Variants in MCF2 observed in about 807,000 individuals in gnomAD.
MCF2 encodes the protein proto-oncogene DBL.
A neutral mutation model predicts 82.5 loss-of-function variants in MCF2; 44 were observed. The ratio of observed to expected loss-of-function variants is 0.53; its 90% CI spans 0.42 to 0.69. The LOEUF is 0.69. Ranked by LOEUF, MCF2 falls within the 30% of genes least tolerant of loss-of-function variation. MCF2 has a pLI of 0.00. For synonymous variants in MCF2, 217 were observed against 224.9 expected, an observed-to-expected ratio of 0.96 and a Z score of 0.32; for missense variants, 623 against 663.1, an observed-to-expected ratio of 0.94 and a Z score of 0.66.
At chrX:139,676,999 A>T (rs776785158) in intron 1 of MCF2, among the ~76,000 whole-genome samples, 83 of 111,640 alleles carry the variant, frequency 7.4e-4, no homozygotes, top group Non-Finnish European at 1.3e-3. Context: ...CAATAAACAG[A>T]AACATCTGAA....
At chrX:139,618,651 CT>C (rs1932109542) in intron 7 of MCF2, among the ~76,000 whole-genome samples, 1 of 111,484 alleles carries the variant, frequency 9.0e-6, no homozygotes, top group Non-Finnish European at 1.9e-5. Context: ...GTTATCATAA[CT>C]GTTGCTTCTT....
chrX:139,680,043 GTGTGCAGACATGAAAAT>G (rs1245446130), intron 1 of MCF2, among the ~76,000 whole-genome samples: 1 of 112,014 alleles, frequency 8.9e-6, no homozygotes, highest in Non-Finnish European at 1.9e-5. Context: ...CATTCATATA[GTGTGCAGACATGAAAAT>G]ATTAAGTGTT....
At chrX:139,643,066 TG>T (rs1474710029), upstream of MCF2, among the ~76,000 whole-genome samples, 1 of 112,060 alleles carries the variant, frequency 8.9e-6, no homozygotes, top group African/African-American at 3.2e-5. Context: ...TTAAGCCTTG[TG>T]AAAGGCTATA....
At chrX:139,648,386 A>G (rs1243560890) in intron 2 of MCF2, among the ~76,000 whole-genome samples, 2 of 107,199 alleles carry the variant, frequency 1.9e-5, no homozygotes, top group Admixed American at 1.0e-4. Flanking sequence ...CGCCCCCCCC[A>G]AAAAGAAAGA....
rs137865527 is a variant in MCF2, at chrX:139,613,564, G to A, written c.1363+1317C>T. On this transcript the variant is annotated intron_variant, in intron 10 of 24. Coordinates refer to ENST00000370576, the Ensembl canonical transcript of MCF2. ...TTACAATAACCTGTTGGAGTCAATA[G>A]GTATTATCGTCCTTATTGTCCAGGT... Among the ~76,000 whole-genome samples the A allele has an allele frequency of 4.7e-3, 521 of 110,885 alleles. 3 individuals carry two copies. Among genetic ancestry groups the A allele is most frequent in the African/African-American group, 0.016 (502 of 30,585 alleles).
Position 139,626,078 on chromosome X carries a change from T to C in MCF2, c.687+115A>G, listed in dbSNP as rs934000522. 49 of 374,854 alleles carry C rather than the reference T, an allele frequency of 1.3e-4. No homozygotes were observed. The Admixed American group carries it at 2.4e-3, about 18-fold the overall frequency. The allele number at this position is 374,854 out of a possible 1,213,427, so 30.9% of individuals were successfully genotyped here. A position where few individuals can be genotyped will look rare whatever the true frequency, so the allele number is the denominator to read the frequency against. On this transcript the variant is annotated intron_variant, in intron 6 of 24. Transcript: ENST00000370576. The stretch of plus-strand genomic sequence containing the variant: ...CCAAGGTTCATTTACATTTGCCTCC[T>C]TTTTTTTCTTTGTAGGTATAAATGG...
At chrX:139,640,041 G>A (rs5907607) in intron 1 of MCF2, among the ~76,000 whole-genome samples, 43,618 of 109,787 alleles carry the variant, frequency 0.4, 8,406 homozygotes, top group Non-Finnish European at 0.59. Context: ...GGTAAGCAGC[G>A]GTAGTACGGC....
At chrX:139,607,383 T>C (rs1265214303) in intron 12 of MCF2, 3 of 135,927 alleles carry the variant, frequency 2.2e-5, no homozygotes, top group African/African-American at 3.2e-5. Context: ...TCCATAAATA[T>C]GTACAATGAT....
upstream of MCF2, among the ~76,000 whole-genome samples, chrX:139,646,539 T>C (rs1462404789): frequency 2.7e-5 from 3 of 111,659 alleles, no homozygotes; most frequent in Non-Finnish European, 5.7e-5. Context: ...TCAACCTATG[T>C]TCTTTTTGAT....
chrX:139,629,973 C>T (rs1932869935), intron 3 of MCF2, 129 bp from the exon 7 acceptor site: 1 of 427,400 alleles, frequency 2.3e-6, no homozygotes, highest in South Asian at 6.5e-5. Context: ...CTCTCCTCTG[C>T]TAGAGAAATA....
chrX:139,651,655 G>T, intron 2 of MCF2, 65 bp downstream of exon 2: 1 of 644,609 alleles, frequency 1.6e-6, no homozygotes, highest in Non-Finnish European at 2.4e-6. Context: ...TATATAATAG[G>T]TACCAAACTA....
At chrX:139,619,477 T>C in intron 7 of MCF2, 110 bp downstream of exon 10, 4 of 562,016 alleles carry the variant, frequency 7.1e-6, no homozygotes, top group South Asian at 1.6e-4. Context: ...CAGTAACTTA[T>C]GGAAAAATAA....
intron 1 of MCF2, among the ~76,000 whole-genome samples, chrX:139,696,762 A>G (rs1419280356): frequency 8.9e-6 from 1 of 111,733 alleles, no homozygotes; most frequent in Admixed American, 9.5e-5. Flanking sequence ...AAATGGAGAT[A>G]GGCAATAAAA....
intron 6 of MCF2, among the ~76,000 whole-genome samples, chrX:139,625,970 A>G (rs777895642): frequency 8.9e-6 from 1 of 111,886 alleles, no homozygotes; most frequent in African/African-American, 3.2e-5. Flanking sequence ...ATATATTGGC[A>G]GTTTGATACT....
At chrX:139,606,362 A>AT (rs1451033907) in intron 12 of MCF2, among the ~76,000 whole-genome samples, 3 of 110,091 alleles carry the variant, frequency 2.7e-5, no homozygotes, top group Admixed American at 2.0e-4. Flanking sequence ...CGTAATGTAT[A>AT]TAAATATATT....
At chrX:139,633,450 A>T (rs1172073266) in intron 1 of MCF2, among the ~76,000 whole-genome samples, 1 of 111,631 alleles carries the variant, frequency 9.0e-6, no homozygotes, top group Middle Eastern at 4.2e-3. Flanking sequence ...TTTTACAAAT[A>T]AAGAAAGTGA....
At chrX:139,670,408 A>ACCCATT (rs1299913942) in intron 1 of MCF2, among the ~76,000 whole-genome samples, 2 of 111,028 alleles carry the variant, frequency 1.8e-5, no homozygotes, top group African/African-American at 3.3e-5. Context: ...GGTTTGCTGC[A>ACCCATT]CCCATTAACT....
chrX:139,673,488 T>A (rs111605252), intron 1 of MCF2, among the ~76,000 whole-genome samples: 10,407 of 111,861 alleles, frequency 0.093, 1,211 homozygotes, highest in African/African-American at 0.32. Context: ...CTGCTTTGAA[T>A]GTGTCCCAGA....
At chrX:139,590,786 A>G (rs1929450366) in intron 19 of MCF2, among the ~76,000 whole-genome samples, 1 of 110,439 alleles carries the variant, frequency 9.1e-6, no homozygotes, top group South Asian at 3.9e-4. Context: ...AGCCCCCCAA[A>G]TGGCCCTTAT....
Sources: gnomAD v4.1 joint callset for allele counts (sites outside exome capture counted in the v4.1 genomes callset) on GRCh38, gnomAD v4.1.1 for gene constraint, MANE v1.5 for transcripts, NCBI Gene and HGNC (gene_info 2026-07-23, HGNC 2026-07-21) for gene names.